The following ASCC1 variants were observed in gnomAD, a reference collection of about 807,000 sequenced individuals.
ASCC1 encodes the protein ASC-1 complex subunit P50.
A neutral mutation model predicts 46.6 loss-of-function variants in ASCC1; 35 were observed. The observed-to-expected ratio is 0.75, with a 90% CI of 0.57 to 0.99. The LOEUF is 0.99. Ranked by LOEUF, ASCC1 falls within the 50% of genes least tolerant of loss-of-function variation. The pLI is 0.00. For synonymous variants in ASCC1, 143 were observed against 146.6 expected (o/e 0.98, Z 0.18); for missense variants, 376 against 428.7 (o/e 0.88, Z 1.09).
intron 9 of ASCC1, among the ~76,000 whole-genome samples, chr10:72,118,239 C>T (rs749571647): frequency 2.6e-5 from 4 of 151,648 alleles, no homozygotes; most frequent in African/African-American, 4.8e-5. Flanking sequence ...TGGTGGCACA[C>T]GCGTATAGTC....
intron 9 of ASCC1, among the ~76,000 whole-genome samples, chr10:72,103,121 GA>G (rs1019017823): frequency 1.3e-5 from 2 of 151,814 alleles, no homozygotes; most frequent in African/African-American, 4.9e-5. Context: ...CCACGAAATA[GA>G]TACTATGTTT....
intron 7 of ASCC1, among the ~76,000 whole-genome samples, chr10:72,137,271 G>A (rs1414114610): frequency 6.6e-6 from 1 of 151,574 alleles, no homozygotes; most frequent in East Asian, 2.0e-4. Context: ...GCTCACGCCT[G>A]TAATCCCAGC....
intron 5 of ASCC1, among the ~76,000 whole-genome samples, chr10:72,170,636 G>C (rs1252430824): frequency 6.7e-6 from 1 of 148,208 alleles, no homozygotes; most frequent in Non-Finnish European, 1.5e-5. Context: ...GACAAAGAAA[G>C]CCTGTGGAAA....
At chr10:72,161,184 G>GA (rs77185118) in intron 6 of ASCC1, among the ~76,000 whole-genome samples, 150 of 121,236 alleles carry the variant, frequency 1.2e-3, no homozygotes, top group South Asian at 2.1e-3. Flanking sequence ...TGGGCGACAG[G>GA]AAAAAAAAAA....
intron 5 of ASCC1, among the ~76,000 whole-genome samples, chr10:72,172,414 CAAAAA>C (rs1041390323): frequency 2.5e-5 from 1 of 40,300 alleles, no homozygotes; most frequent in Admixed American, 2.6e-4. Flanking sequence ...AACTCAGTCT[CAAAAA>C]AAAAAAAAAA....
At chr10:72,210,878 G>T in intron 2 of ASCC1, 47 bp from the exon 3 acceptor site, 1 of 1,584,262 alleles carries the variant, frequency 6.3e-7, no homozygotes, top group Non-Finnish European at 8.7e-7. Flanking sequence ...GTTGCTCTGT[G>T]GACAACAGCT....
intron 5 of ASCC1, among the ~76,000 whole-genome samples, chr10:72,187,728 A>C (rs562469034): frequency 1.4e-5 from 2 of 138,094 alleles, no homozygotes; most frequent in East Asian, 4.3e-4. Flanking sequence ...TCAAAAAAAA[A>C]AAAAAAAAAA....
At chr10:72,142,060 T>G (rs1183037783) in intron 7 of ASCC1, among the ~76,000 whole-genome samples, 1 of 152,228 alleles carries the variant, frequency 6.6e-6, no homozygotes, top group African/African-American at 2.4e-5. Flanking sequence ...TTTCTGATTG[T>G]AATGGGAATA....
chr10:72,196,267 T>C (rs1668051280), intron 5 of ASCC1, among the ~76,000 whole-genome samples: 1 of 151,238 alleles, frequency 6.6e-6, no homozygotes, highest in East Asian at 1.9e-4. Context: ...ATGAGCCATT[T>C]GTGTCTTAAA....
chr10:72,114,424 G>C (rs1257590453), intron 9 of ASCC1, among the ~76,000 whole-genome samples: 2 of 152,160 alleles, frequency 1.3e-5, no homozygotes, highest in Admixed American at 1.3e-4. Context: ...AGGAGATCGA[G>C]ACCATCCTGG....
In ASCC1 at chr10:72,125,594, G is replaced by A. The variant is rs544356516; in HGVS notation, c.957+2488C>T. Among the ~76,000 whole-genome samples, 3 of 152,266 alleles carry A rather than the reference G, an allele frequency of 2.0e-5. No individual in the cohort carries two copies. In the East Asian group the frequency reaches 5.8e-4, roughly 29 times the overall value. ...TGGGTGGACTATGGCTACTTCACAA[G>A]CATATTTAACTGCCTCTGTGTTGGG... is the stretch of plus-strand genomic sequence containing the variant. On this transcript the variant is annotated intron_variant, in intron 9 of 9. Transcript: ENST00000672957.
At chr10:72,190,718 C>A in intron 5 of ASCC1, 1 of 594,676 alleles carries the variant, frequency 1.7e-6, no homozygotes, top group Non-Finnish European at 2.9e-6. Flanking sequence ...AAAGTGAAGG[C>A]CGGGCACGGT....
At chr10:72,129,355 A>C (rs1845285113) in intron 8 of ASCC1, among the ~76,000 whole-genome samples, 2 of 152,222 alleles carry the variant, frequency 1.3e-5, no homozygotes, top group African/African-American at 4.8e-5. Flanking sequence ...ATATCCATAC[A>C]ATGGAATATT....
At chr10:72,216,745 G>T (rs1859417631), upstream of ASCC1, 14 of 449,392 alleles carry the variant, frequency 3.1e-5, no homozygotes, top group South Asian at 1.6e-4. Flanking sequence ...AAGCATCTTA[G>T]CTCGGACACA....
intron 5 of ASCC1, among the ~76,000 whole-genome samples, chr10:72,187,791 T>G (rs1853720766): frequency 6.8e-6 from 1 of 147,574 alleles, no homozygotes; most frequent in Non-Finnish European, 1.5e-5. Flanking sequence ...ATTAAACTTA[T>G]TAAAACTGAC....
chr10:72,197,190 G>C (rs1183336367), intron 4 of ASCC1, among the ~76,000 whole-genome samples: 1 of 152,022 alleles, frequency 6.6e-6, no homozygotes, highest in Non-Finnish European at 1.5e-5. Context: ...GAATATCCTT[G>C]GCCGGGCACG....
At position 72,096,680 on chromosome 10, in the gene ASCC1, G is replaced by C. The variant is rs780499513; in HGVS notation, c.*654C>G. ...AGCAAGCCAAGTGTTCACTGATGGA[G>C]GAACAGAGTGTGGTACGCACATGTA... On this transcript the variant is annotated 3_prime_UTR_variant, in exon 10 of 10. Transcript: ENST00000672957. The C allele has an allele frequency of 1.6e-4, 73 of 454,012 alleles. 1 individual carries two copies. Among genetic ancestry groups the C allele is most frequent in the South Asian group, 1.1e-3 (69 of 64,480 alleles). 28.1% of individuals were successfully genotyped at this position (454,012 alleles called of 1,614,324 possible). A position where few individuals can be genotyped will look rare whatever the true frequency, so the allele number is the denominator to read the frequency against.
At chr10:72,143,363 C>CTTT (rs1215266300) in intron 7 of ASCC1, among the ~76,000 whole-genome samples, 1 of 151,698 alleles carries the variant, frequency 6.6e-6, no homozygotes, top group Non-Finnish European at 1.5e-5. Context: ...ACTAAACTCC[C>CTTT]TTTTTGTTGT....
intron 5 of ASCC1, among the ~76,000 whole-genome samples, chr10:72,181,609 T>C (rs1222453490): frequency 1.3e-5 from 2 of 151,872 alleles, no homozygotes; most frequent in Non-Finnish European, 2.9e-5. Flanking sequence ...ACTTAAGGAA[T>C]ATTTAACTAT....
Sources: gnomAD v4.1 joint callset for allele counts (sites outside exome capture counted in the v4.1 genomes callset) on GRCh38, gnomAD v4.1.1 for gene constraint, MANE v1.5 for transcripts, NCBI Gene and HGNC (gene_info 2026-07-23, HGNC 2026-07-21) for gene names.